Variants in RASSF8 observed in about 807,000 individuals in gnomAD.
RASSF8 encodes the protein ras association domain-containing protein 8.
A neutral mutation model predicts 48.5 loss-of-function variants in RASSF8; 22 were observed. The ratio of observed to expected loss-of-function variants is 0.45; its 90% CI spans 0.32 to 0.65. The LOEUF (loss-of-function observed/expected upper bound fraction) is 0.65, where lower values mean the gene tolerates loss of function less well. Ranked by LOEUF, RASSF8 falls within the 30% of genes least tolerant of loss-of-function variation. RASSF8 has a pLI of 0.03. For missense variants in RASSF8, 418 were observed against 489.2 expected (o/e 0.85, Z 1.37); for synonymous variants, 127 against 171.5 (o/e 0.74, Z 2.03).
At chr12:26,046,898 T>G (rs1943383882) in intron 2 of RASSF8, among the ~76,000 whole-genome samples, 1 of 152,150 alleles carries the variant, frequency 6.6e-6, no homozygotes, top group South Asian at 2.1e-4. Flanking sequence ...TCCATAGGAG[T>G]GTATTATACT....
At chr12:25,964,915 CT>C (rs1442173599) in intron 1 of RASSF8, among the ~76,000 whole-genome samples, 2 of 151,982 alleles carry the variant, frequency 1.3e-5, no homozygotes, top group African/African-American at 4.8e-5. Flanking sequence ...CCTTATATTT[CT>C]TTTTTTAAAC....
chr12:26,032,026 T>C (rs1943040903), intron 2 of RASSF8, among the ~76,000 whole-genome samples: 1 of 152,192 alleles, frequency 6.6e-6, no homozygotes, highest in African/African-American at 2.4e-5. Flanking sequence ...AAACTTCCCA[T>C]ATCCCAGAAG....
In RASSF8 at chr12:26,069,198, ATGT is replaced by A; in HGVS notation, c.*383_*385del. 8.1e-6 allele frequency: 8 copies of A among 987,322 alleles called. No homozygotes were observed. The highest frequency in any genetic ancestry group is 9.6e-6 in the Non-Finnish European group (8 of 830,704). The allele number at this position is 987,322 out of a possible 1,614,324, so 61.2% of individuals were successfully genotyped here. On this transcript the variant is annotated 3_prime_UTR_variant, in exon 6 of 6. Transcript: ENST00000689635. ...TTTATTTCATGTAATCAATGTGTGA[ATGT>A]TGATGTTTTAATATTTTTATTGACT... is the stretch of plus-strand genomic sequence containing the variant.
intron 2 of RASSF8, among the ~76,000 whole-genome samples, chr12:26,025,658 A>G (rs954580099): frequency 6.6e-6 from 1 of 152,098 alleles, no homozygotes; most frequent in African/African-American, 2.4e-5. Flanking sequence ...ATCTTAAGGA[A>G]TTCATTAAAA....
intron 2 of RASSF8, among the ~76,000 whole-genome samples, chr12:26,005,057 C>A (rs966075218): frequency 2.0e-5 from 3 of 151,986 alleles, no homozygotes; most frequent in African/African-American, 7.3e-5. Context: ...CATTGTTTTT[C>A]CTCTATCCAA....
intron 2 of RASSF8, among the ~76,000 whole-genome samples, chr12:26,023,154 T>C (rs10842655): frequency 0.36 from 54,124 of 151,874 alleles, 10,790 homozygotes; most frequent in Non-Finnish European, 0.45. Context: ...GAACACAGCC[T>C]CAGAGAAAAA....
At chr12:26,039,773 C>T (rs936936697) in intron 2 of RASSF8, among the ~76,000 whole-genome samples, 7 of 152,068 alleles carry the variant, frequency 4.6e-5, no homozygotes, top group Admixed American at 2.0e-4. Flanking sequence ...GGAGTTGAGG[C>T]GAAAACTTTT....
chr12:26,077,402 C>T (rs184109340), downstream of RASSF8, among the ~76,000 whole-genome samples: 8 of 152,274 alleles, frequency 5.3e-5, no homozygotes, highest in African/African-American at 1.4e-4. Context: ...TTAGGTCTAA[C>T]ACTTAAGTCC....
intron 2 of RASSF8, among the ~76,000 whole-genome samples, chr12:26,032,735 C>G (rs1001986274): frequency 1.3e-5 from 2 of 152,136 alleles, no homozygotes; most frequent in Non-Finnish European, 2.9e-5. Flanking sequence ...CATCTATAAT[C>G]ATTTAAAGCA....
chr12:25,970,306 C>A (rs1251591143), intron 1 of RASSF8, among the ~76,000 whole-genome samples: 1 of 152,176 alleles, frequency 6.6e-6, no homozygotes, highest in East Asian at 1.9e-4. Context: ...GCCCACTGAA[C>A]TATGTGTCAG....
chr12:26,069,243 T>G lies in RASSF8; in HGVS notation c.*425T>G, dbSNP rs147029186. On this transcript the variant is annotated 3_prime_UTR_variant, in exon 6 of 6. Transcript: ENST00000689635. ...TTATTGACTTATCCTGTGACTGACT[T>G]ACGTTACATATTGTGTGATTATGAC... is the stretch of plus-strand genomic sequence containing the variant. 6 of 987,418 alleles carry G rather than the reference T, an allele frequency of 6.1e-6. No individual in the cohort carries two copies. The East Asian group carries it at 3.3e-4, about 55-fold the overall frequency. The allele number at this position is 987,418 out of a possible 1,614,324, so 61.2% of individuals were successfully genotyped here.
At chr12:26,040,173 A>T (rs1469659309) in intron 2 of RASSF8, among the ~76,000 whole-genome samples, 2 of 152,126 alleles carry the variant, frequency 1.3e-5, no homozygotes, top group African/African-American at 4.8e-5. Context: ...ATATATTAGT[A>T]TTATTGACTT....
At chr12:26,041,350 A>G (rs576900738) in intron 2 of RASSF8, among the ~76,000 whole-genome samples, 1 of 152,200 alleles carries the variant, frequency 6.6e-6, no homozygotes, top group African/African-American at 2.4e-5. Context: ...GGTCTGTACT[A>G]TTTTGCTTCT....
At chr12:26,013,131 T>G (rs1391972582) in intron 2 of RASSF8, among the ~76,000 whole-genome samples, 1 of 152,216 alleles carries the variant, frequency 6.6e-6, no homozygotes, top group African/African-American at 2.4e-5. Flanking sequence ...CACAGGATCC[T>G]TTGTTATTGG....
At chr12:26,046,621 G>A (rs542393379) in intron 2 of RASSF8, among the ~76,000 whole-genome samples, 55 of 151,196 alleles carry the variant, frequency 3.6e-4, no homozygotes, top group African/African-American at 1.3e-3. Flanking sequence ...AGAATCACTT[G>A]AGACCAGAAG....
intron 2 of RASSF8, among the ~76,000 whole-genome samples, chr12:26,012,685 T>TTTC (rs1354843215): frequency 2.0e-5 from 3 of 148,794 alleles, no homozygotes; most frequent in Non-Finnish European, 4.5e-5. Context: ...CTTTTTTCTT[T>TTTC]TTTTTTTTTT....
chr12:26,007,886 A>G (rs2729660), intron 2 of RASSF8, among the ~76,000 whole-genome samples: 88,023 of 152,100 alleles, frequency 0.58, 25,908 homozygotes, highest in Non-Finnish European at 0.64. Flanking sequence ...CTGTGTAAGT[A>G]GAAAAATTAC....
chr12:25,988,614 C>A (rs1181431575), intron 1 of RASSF8, among the ~76,000 whole-genome samples: 1 of 152,122 alleles, frequency 6.6e-6, no homozygotes, highest in African/African-American at 2.4e-5. Flanking sequence ...ACTAAACAAT[C>A]ATTTGTAGGG....
intron 1 of RASSF8, among the ~76,000 whole-genome samples, chr12:25,974,430 G>C (rs1477418857): frequency 6.6e-6 from 1 of 151,880 alleles, no homozygotes; most frequent in African/African-American, 2.4e-5. Flanking sequence ...ATCCTACAAG[G>C]GATGGCTAGG....
Sources: gnomAD v4.1 joint callset for allele counts (sites outside exome capture counted in the v4.1 genomes callset) on GRCh38, gnomAD v4.1.1 for gene constraint, MANE v1.5 for transcripts, NCBI Gene and HGNC (gene_info 2026-07-23, HGNC 2026-07-21) for gene names.